Variants in PPP1R13B observed in about 807,000 individuals in gnomAD.
PPP1R13B encodes protein phosphatase 1 regulatory subunit 13B.
In PPP1R13B, 44 loss-of-function variants were observed where a neutral mutation model predicts 119.8. The ratio of observed to expected loss-of-function variants is 0.37; its 90% CI spans 0.29 to 0.47. The LOEUF is 0.47. Among genes scored for constraint, PPP1R13B ranks in the 20% least tolerant of loss-of-function variants. The pLI, the probability that PPP1R13B is intolerant of heterozygous loss-of-function variation, is 0.99. For missense variants in PPP1R13B, 1,227 were observed against 1,413.5 expected, an observed-to-expected ratio of 0.87 and a Z score of 2.12; for synonymous variants, 542 against 561.5, an observed-to-expected ratio of 0.97 and a Z score of 0.49.
At chr14:103,752,409 T>C (rs1366770293) in intron 7 of PPP1R13B, among the ~76,000 whole-genome samples, 2 of 152,094 alleles carry the variant, frequency 1.3e-5, no homozygotes, top group Non-Finnish European at 2.9e-5. Context: ...GGCCTTTTTT[T>C]TGGGTGATAA....
intron 1 of PPP1R13B, chr14:103,803,914 C>A: frequency 2.4e-6 from 1 of 414,558 alleles, no homozygotes; most frequent in Non-Finnish European, 3.2e-6. Flanking sequence ...CCATCTTGAC[C>A]CAACCTCAGA....
chr14:103,823,848 C>T (rs1004245036), intron 1 of PPP1R13B, among the ~76,000 whole-genome samples: 1 of 151,740 alleles, frequency 6.6e-6, no homozygotes, highest in East Asian at 1.9e-4. Context: ...AAAAAGTCAA[C>T]CAATAGAGGA....
chr14:103,776,990 A>G (rs1010672447), intron 4 of PPP1R13B, among the ~76,000 whole-genome samples: 7 of 151,790 alleles, frequency 4.6e-5, no homozygotes, highest in African/African-American at 1.7e-4. Context: ...TTCAACATAC[A>G]CCAACATTTC....
chr14:103,734,733 CG>C lies in PPP1R13B; in HGVS notation c.*420del. On this transcript the variant is annotated 3_prime_UTR_variant, in exon 17 of 17. Coordinates refer to ENST00000202556, the MANE Select transcript of PPP1R13B (RefSeq NM_015316.3). ...AAAGGATGAGTGTCCGATTCGGTGA[CG>C]GGGGGCAGGGCGGTCGCAGGGGAGC... is the stretch of plus-strand genomic sequence containing the variant. 8.7e-6 allele frequency: 4 copies of C among 460,948 alleles called. No homozygotes were observed. The highest frequency in any genetic ancestry group is 1.7e-5 in the Non-Finnish European group (4 of 229,824). The allele number at this position is 460,948 out of a possible 1,614,324, so 28.6% of individuals were successfully genotyped here.
intron 11 of PPP1R13B, 93 bp downstream of exon 11, chr14:103,741,697 C>T (rs192889853): frequency 2.2e-5 from 32 of 1,423,846 alleles, no homozygotes; most frequent in African/African-American, 1.3e-4. Context: ...CTAAATAGCA[C>T]GTGGCCCAAA....
intron 2 of PPP1R13B, among the ~76,000 whole-genome samples, chr14:103,788,348 A>T (rs934687767): frequency 6.6e-6 from 1 of 152,194 alleles, no homozygotes; most frequent in African/African-American, 2.4e-5. Context: ...TGTGTTGAAC[A>T]TTCCAAAATA....
intron 1 of PPP1R13B, among the ~76,000 whole-genome samples, chr14:103,806,320 C>G (rs1174461240): frequency 6.6e-6 from 1 of 152,164 alleles, no homozygotes; most frequent in Non-Finnish European, 1.5e-5. Flanking sequence ...TCCCCCAGCT[C>G]ACCTATACCA....
At position 103,795,000 on chromosome 14, in the gene PPP1R13B, G is replaced by A. The variant is rs1035813765; in HGVS notation, c.157+2371C>T. On this transcript the variant is annotated intron_variant, in intron 2 of 16. Transcript: ENST00000202556. ...GCTCTGTCGCCCAGGCTGGAGTGCA[G>A]TGGCACACTCTTGGCTCACTGCAAC... Among the ~76,000 whole-genome samples, 161 of 152,174 alleles carry A rather than the reference G, an allele frequency of 1.1e-3. 2 individuals are homozygous for A. Among genetic ancestry groups the A allele is most frequent in the Non-Finnish European group, 6.2e-4 (42 of 68,042 alleles).
chr14:103,765,339 T>C (rs1035603242), intron 4 of PPP1R13B, among the ~76,000 whole-genome samples: 1 of 152,220 alleles, frequency 6.6e-6, no homozygotes. Context: ...TGAGATGACA[T>C]GAAATAGTTC....
At chr14:103,783,485 C>T (rs1034911149) in intron 3 of PPP1R13B, among the ~76,000 whole-genome samples, 1 of 152,142 alleles carries the variant, frequency 6.6e-6, no homozygotes, top group African/African-American at 2.4e-5. Flanking sequence ...CTCCTGACCT[C>T]AAGTGATCTG....
At chr14:103,834,101 G>A (rs901055920) in intron 1 of PPP1R13B, among the ~76,000 whole-genome samples, 3 of 152,128 alleles carry the variant, frequency 2.0e-5, no homozygotes, top group African/African-American at 4.8e-5. Context: ...CTGGCTGGGC[G>A]TGGTGGCTCA....
intron 2 of PPP1R13B, among the ~76,000 whole-genome samples, chr14:103,787,136 A>G (rs1470896898): frequency 6.6e-6 from 1 of 151,900 alleles, no homozygotes; most frequent in African/African-American, 2.4e-5. Context: ...TTGCAAAACT[A>G]ATCTTTTACA....
intron 1 of PPP1R13B, among the ~76,000 whole-genome samples, chr14:103,813,228 A>ATG (rs2086201323): frequency 6.7e-6 from 1 of 148,838 alleles, no homozygotes; most frequent in African/African-American, 2.6e-5. Context: ...TTATTCAGCA[A>ATG]TGTTAAAAAA....
chr14:103,738,635 C>T lies in PPP1R13B; in HGVS notation c.2864+44G>A. On this transcript the variant is annotated intron_variant, in intron 14 of 16. Transcript: ENST00000202556. The surrounding 1 kb of genome is among the most constrained non-coding windows in gnomAD (Gnocchi z 5.6). ...ACACGCCTGTTTTCCTTATGCAAAG[C>T]AGGGAAAGTAAATCTGTCCACCCCA... 6.2e-7 allele frequency: 1 copy of T among 1,606,936 alleles called. No individual in the cohort carries two copies. The highest frequency in any genetic ancestry group is 1.3e-5 in the African/African-American group (1 of 74,966).
chr14:103,821,327 T>C (rs982103650), intron 1 of PPP1R13B, among the ~76,000 whole-genome samples: 8 of 152,200 alleles, frequency 5.3e-5, no homozygotes, highest in Non-Finnish European at 8.8e-5. Context: ...TTAATTTCAG[T>C]ACCTGATAAT....
At chr14:103,821,639 T>C (rs1341725482) in intron 1 of PPP1R13B, among the ~76,000 whole-genome samples, 1 of 152,082 alleles carries the variant, frequency 6.6e-6, no homozygotes, top group Non-Finnish European at 1.5e-5. Flanking sequence ...TAATCCCAGA[T>C]ACTCGGGAGG....
intron 1 of PPP1R13B, among the ~76,000 whole-genome samples, chr14:103,824,676 C>G (rs944888486): frequency 3.4e-5 from 5 of 147,952 alleles, no homozygotes; most frequent in African/African-American, 1.3e-4. Flanking sequence ...GCATGGGCGA[C>G]AGAGCGAGAC....
chr14:103,752,671 A>G (rs1473016631), intron 7 of PPP1R13B, among the ~76,000 whole-genome samples: 2 of 151,758 alleles, frequency 1.3e-5, no homozygotes, highest in African/African-American at 4.8e-5. Flanking sequence ...AGTGGCTGAG[A>G]CTACGGGCAT....
chr14:103,799,350 T>C (rs1199579588), intron 1 of PPP1R13B, among the ~76,000 whole-genome samples: 2 of 152,034 alleles, frequency 1.3e-5, no homozygotes, highest in African/African-American at 4.8e-5. Context: ...GGCTAATTTT[T>C]TGTATTTTCA....
Sources: allele counts gnomAD v4.1 joint callset (sites outside exome capture counted in the v4.1 genomes callset), GRCh38; gene constraint gnomAD v4.1.1; non-coding constraint Gnocchi (gnomAD v3.1); transcripts MANE v1.5; gene names NCBI Gene and HGNC (gene_info 2026-07-23, HGNC 2026-07-21).